Variants in KHDRBS2 observed in about 807,000 individuals in gnomAD.
KHDRBS2 encodes the protein KH domain-containing, RNA-binding, signal transduction-associated protein 2.
A neutral mutation model predicts 44.3 loss-of-function variants in KHDRBS2; 26 were observed. The ratio of observed to expected loss-of-function variants is 0.59; its 90% CI spans 0.43 to 0.81. KHDRBS2 has a LOEUF of 0.81. KHDRBS2 is among the 40% of genes least tolerant of loss of function. KHDRBS2 has a pLI of 0.00. For synonymous variants in KHDRBS2, 194 were observed against 151.1 expected (o/e 1.28, Z -2.08); for missense variants, 476 against 433.1 (o/e 1.10, Z -0.88).
intron 6 of KHDRBS2, among the ~76,000 whole-genome samples, chr6:61,775,873 G>A (rs1342277297): frequency 6.6e-6 from 1 of 152,166 alleles, no homozygotes; most frequent in African/African-American, 2.4e-5. Context: ...GAGGCAACAG[G>A]CTACCTGACT....
At chr6:61,619,414 C>T in the KHDRBS2 span, among the ~76,000 whole-genome samples, 3 of 150,718 alleles carry the variant, frequency 2.0e-5, no homozygotes, top group African/African-American at 7.3e-5. Context: ...TAGCTCCATC[C>T]AAGTTACTGG....
chr6:61,743,175 A>T (rs1776388299), intron 6 of KHDRBS2, among the ~76,000 whole-genome samples: 1 of 152,122 alleles, frequency 6.6e-6, no homozygotes, highest in Admixed American at 6.6e-5. Flanking sequence ...TCAAGTGAAC[A>T]CCATTCATAA....
chr6:62,012,567 A>G (rs1221892973), intron 3 of KHDRBS2, among the ~76,000 whole-genome samples: 3 of 152,082 alleles, frequency 2.0e-5, no homozygotes, highest in African/African-American at 4.8e-5. Flanking sequence ...ACACTTTTCT[A>G]CTTATCCTTT....
intron 2 of KHDRBS2, among the ~76,000 whole-genome samples, chr6:62,124,045 C>A (rs1186445263): frequency 1.3e-5 from 2 of 152,156 alleles, no homozygotes; most frequent in Non-Finnish European, 2.9e-5. Flanking sequence ...GCAAAGGTTA[C>A]AAGTAACTTC....
intron 7 of KHDRBS2, among the ~76,000 whole-genome samples, chr6:61,726,992 T>G (rs1773683107): frequency 6.6e-6 from 1 of 152,148 alleles, no homozygotes; most frequent in South Asian, 2.1e-4. Context: ...AGAACAAAGC[T>G]GGAGACATCA....
intron 1 of KHDRBS2, among the ~76,000 whole-genome samples, chr6:62,240,604 A>T (rs1834442204): frequency 6.8e-6 from 1 of 146,518 alleles, no homozygotes; most frequent in Non-Finnish European, 1.5e-5. Context: ...ATATACATAC[A>T]TATATCTACA....
At chr6:61,574,297 T>A in the KHDRBS2 span, 1 of 1,475,138 alleles carries the variant, frequency 6.8e-7, no homozygotes, top group African/African-American at 1.4e-5. Context: ...GGTAGCATGA[T>A]CACTTGTTCC....
intron 6 of KHDRBS2, among the ~76,000 whole-genome samples, chr6:61,842,851 A>G (rs1177792145): frequency 1.4e-4 from 22 of 152,150 alleles, no homozygotes. Context: ...CATAAACAAA[A>G]TGTGGTATAT....
rs1024669411 is a variant in KHDRBS2, at chr6:62,122,856, G to C, written c.219+54329C>G. The stretch of plus-strand genomic sequence containing the variant: ...TAAACTGTAATTTTCTTTTAAAAAG[G>C]TTTTATTTTTTCAATTTATTTTATT... On this transcript the variant is annotated intron_variant, in intron 2 of 8. Transcript: ENST00000281156. 2.8e-5 allele frequency among the ~76,000 whole-genome samples: 4 copies of C among 142,210 alleles called. 1 individual carries two copies. The highest frequency in any genetic ancestry group is 1.1e-4 in the African/African-American group (4 of 37,058). The allele number at this position is 142,210 out of a possible 152,430, so 93.3% of individuals were successfully genotyped here.
intron 6 of KHDRBS2, among the ~76,000 whole-genome samples, chr6:61,733,605 A>T (rs921190524): frequency 2.2e-4 from 21 of 96,590 alleles, no homozygotes; most frequent in Non-Finnish European, 3.2e-4. Flanking sequence ...TCAAAAAAGA[A>T]AAAAAAAAAA....
intron 7 of KHDRBS2, among the ~76,000 whole-genome samples, chr6:61,716,568 A>C (rs1412841421): frequency 6.6e-6 from 1 of 151,946 alleles, no homozygotes; most frequent in Non-Finnish European, 1.5e-5. Context: ...TTTTTAAAAA[A>C]ACCTAGGCTA....
At chr6:61,947,524 T>G (rs1472339367) in intron 4 of KHDRBS2, among the ~76,000 whole-genome samples, 1 of 151,934 alleles carries the variant, frequency 6.6e-6, no homozygotes. Flanking sequence ...AAAACAGAAG[T>G]GGAAGGGCTA....
chr6:62,188,465 G>T (rs1823909939), intron 1 of KHDRBS2, among the ~76,000 whole-genome samples: 1 of 152,040 alleles, frequency 6.6e-6, no homozygotes, highest in Non-Finnish European at 1.5e-5. Flanking sequence ...GTCACAAATG[G>T]AAATAAATGT....
chr6:62,093,798 A>C (rs1799957331), intron 2 of KHDRBS2, among the ~76,000 whole-genome samples: 1 of 150,890 alleles, frequency 6.6e-6, no homozygotes, highest in African/African-American at 2.4e-5. Context: ...AGATTCCTCC[A>C]TGTTGCTGCA....
chr6:61,583,341 A>G, the KHDRBS2 span, among the ~76,000 whole-genome samples: 1 of 151,930 alleles, frequency 6.6e-6, no homozygotes, highest in Non-Finnish European at 1.5e-5. Context: ...TGAGTAGAAC[A>G]CTATTTTGTA....
chr6:62,009,770 G>A (rs1779951793), intron 3 of KHDRBS2, among the ~76,000 whole-genome samples: 2 of 152,202 alleles, frequency 1.3e-5, no homozygotes, highest in South Asian at 2.1e-4. Flanking sequence ...CTTCCATGTG[G>A]TGTTGGGCCT....
chr6:61,732,647 C>A lies in KHDRBS2; in HGVS notation c.893+35G>T, dbSNP rs1467881433. 3 of 1,233,458 alleles carry A rather than the reference C, an allele frequency of 2.4e-6. No homozygotes were observed. The Admixed American group carries it at 5.2e-5, about 21-fold the overall frequency. 76.4% of individuals were successfully genotyped at this position (1,233,458 alleles called of 1,614,324 possible). A position where few individuals can be genotyped will look rare whatever the true frequency, so the allele number is the denominator to read the frequency against. ...AGAAACAAAATTGATTAGAGATAATCCTGAGAAGGCTGCTTTAGATAGCAA... is the reference window on the plus strand; with the variant it reads ...AGAAACAAAATTGATTAGAGATAATACTGAGAAGGCTGCTTTAGATAGCAA... On this transcript the variant is annotated intron_variant, in intron 7 of 8. Coordinates refer to ENST00000281156, the MANE Select transcript of KHDRBS2 (RefSeq NM_152688.4).
chr6:62,047,196 A>T (rs1340869934), intron 3 of KHDRBS2, among the ~76,000 whole-genome samples: 2 of 151,942 alleles, frequency 1.3e-5, no homozygotes, highest in Non-Finnish European at 2.9e-5. Context: ...TGAATCCTCA[A>T]AGATCCTTTT....
intron 4 of KHDRBS2, among the ~76,000 whole-genome samples, chr6:61,911,420 CA>C (rs1806029633): frequency 6.6e-6 from 1 of 152,084 alleles, no homozygotes; most frequent in Admixed American, 6.6e-5. Context: ...TACACTTGTT[CA>C]TGTAATGTAA....
Sources: allele counts gnomAD v4.1 joint callset (sites outside exome capture counted in the v4.1 genomes callset), GRCh38; gene constraint gnomAD v4.1.1; transcripts MANE v1.5; gene names NCBI Gene and HGNC (gene_info 2026-07-23, HGNC 2026-07-21).